The following SH2B3 variants were observed in gnomAD, a reference collection of about 807,000 sequenced individuals.
The protein encoded by SH2B3 is SH2B adaptor protein 3, also known as SH2B adapter protein 3.
SH2B3 carries 43 observed loss-of-function variants against 51.9 expected under a neutral mutation model. The observed-to-expected ratio is 0.83, with a 90% confidence interval of 0.65 to 1.07. The LOEUF is 1.07. Ranked by LOEUF, SH2B3 falls within the 50% of genes least tolerant of loss-of-function variation. The pLI is 0.00. For synonymous variants in SH2B3, 396 were observed against 376.0 expected, an observed-to-expected ratio of 1.05 and a Z score of -0.62; for missense variants, 952 against 834.3, an observed-to-expected ratio of 1.14 and a Z score of -1.74.
At chr12:111,417,313 T>A (rs559834365) in intron 1 of SH2B3, among the ~76,000 whole-genome samples, 1 of 152,190 alleles carries the variant, frequency 6.6e-6, no homozygotes, top group Non-Finnish European at 1.5e-5. Flanking sequence ...TAGAGCCTGA[T>A]TGCTCTGGCT....
At position 111,447,495 on chromosome 12, in the gene SH2B3, C is replaced by G. The variant is rs200936167; in HGVS notation, c.1187C>G (p.Thr396Arg). The change falls in exon 6 of 8, where the codon ACG becomes AGG. Residue 396 changes from threonine (T) to arginine (R), a missense_variant. Thr to Arg is a moderately conservative substitution (Grantham distance 71, BLOSUM62 -1). Transcript: ENST00000341259. ...HGVFLVRQSE[T>R]RRGEYVLTFN... ...GTGTTCCTGGTGCGGCAGAGCGAGACGCGGCGTGGGGAATACGTGCTCACT... is the reference window on the plus strand; with the variant it reads ...GTGTTCCTGGTGCGGCAGAGCGAGAGGCGGCGTGGGGAATACGTGCTCACT... The G allele has an allele frequency of 1.4e-6, 2 of 1,428,898 alleles. No homozygotes were observed. The highest frequency in any genetic ancestry group is 9.5e-7 in the Non-Finnish European group (1 of 1,055,078). The allele number at this position is 1,428,898 out of a possible 1,614,324, so 88.5% of individuals were successfully genotyped here.
chr12:111,417,360 A>T (rs1256490500), intron 1 of SH2B3, among the ~76,000 whole-genome samples: 1 of 152,192 alleles, frequency 6.6e-6, no homozygotes, highest in Non-Finnish European at 1.5e-5. Context: ...AAGTGACCAG[A>T]GTGGGCATCC....
rs978356482 is a variant in SH2B3, at chr12:111,447,828, G to T, written c.1408+1G>T. The T allele has an allele frequency of 6.2e-7, 1 of 1,613,274 alleles. No homozygotes were observed. Among genetic ancestry groups the T allele is most frequent in the Non-Finnish European group, 8.5e-7 (1 of 1,179,518 alleles). ...GTGGTAGTCGTCTCCCAACCACCAGGTCTGACCCTACTGCCCTTTGCTGAA... is the reference window on the plus strand; with the variant it reads ...GTGGTAGTCGTCTCCCAACCACCAGTTCTGACCCTACTGCCCTTTGCTGAA... On this transcript the variant is annotated splice_donor_variant, in intron 7 of 7. Coordinates refer to ENST00000341259, the MANE Select transcript of SH2B3 (RefSeq NM_005475.3). LOFTEE classifies it high-confidence loss of function.
chr12:111,437,973 G>A (rs958846513), intron 2 of SH2B3, among the ~76,000 whole-genome samples: 2 of 152,194 alleles, frequency 1.3e-5, no homozygotes, highest in African/African-American at 4.8e-5. Context: ...AACTCTCCCA[G>A]TCAGATGGTG....
intron 2 of SH2B3, among the ~76,000 whole-genome samples, chr12:111,436,478 G>C (rs1039171916): frequency 1.2e-4 from 18 of 152,134 alleles, no homozygotes; most frequent in Non-Finnish European, 1.5e-4. Flanking sequence ...GAGTAGAAGC[G>C]TCCCACCATC....
chr12:111,418,050 G>A lies in SH2B3; in HGVS notation c.-27-69G>A. 8.3e-7 allele frequency: 1 copy of A among 1,207,040 alleles called. No individual in the cohort carries two copies. Among genetic ancestry groups the A allele is most frequent in the Non-Finnish European group, 1.1e-6 (1 of 890,606 alleles). The allele number at this position is 1,207,040 out of a possible 1,614,324, so 74.8% of individuals were successfully genotyped here. A position where few individuals can be genotyped will look rare whatever the true frequency, so the allele number is the denominator to read the frequency against. On this transcript the variant is annotated intron_variant, in intron 1 of 7. Transcript: ENST00000341259. The surrounding 1 kb of genome is among the most constrained non-coding windows in gnomAD (Gnocchi z 6.7). ...GGATTTCTGCTGTGGTGCCCGGTGT[G>A]TAATGGGGCCTACACCTGCTTGCCC... is the stretch of plus-strand genomic sequence containing the variant.
chr12:111,445,267 G>A (rs553673003), intron 2 of SH2B3, among the ~76,000 whole-genome samples: 1 of 152,326 alleles, frequency 6.6e-6, no homozygotes, highest in South Asian at 2.1e-4. Context: ...GTGGGGGCCA[G>A]GCAGGGCCAA....
In SH2B3 at chr12:111,418,509, GA is replaced by G; in HGVS notation, c.365del (p.Glu122GlyfsTer75). 7.2e-7 allele frequency: 1 copy of G among 1,384,296 alleles called. No homozygotes were observed. Among genetic ancestry groups the G allele is most frequent in the Non-Finnish European group, 9.3e-7 (1 of 1,071,226 alleles). The allele number at this position is 1,384,296 out of a possible 1,614,324, so 85.8% of individuals were successfully genotyped here. A position where few individuals can be genotyped will look rare whatever the true frequency, so the allele number is the denominator to read the frequency against. ...TGGCCTGCCCAAGGCCCGCAGCTCTGAGGAGCTGGCCCCGCCGCGGCCGCCC... is the reference window on the plus strand; with the variant it reads ...TGGCCTGCCCAAGGCCCGCAGCTCTGGGAGCTGGCCCCGCCGCGGCCGCCC... ...APGLPKARSSEELAPPRPPGP... is the reference protein window; with the variant it reads ...APGLPKARSSXELAPPRPPGP... On this transcript the variant is annotated frameshift_variant, in exon 2 of 8. Transcript: ENST00000341259. LOFTEE classifies it high-confidence loss of function. This position sits in a 1 kb window ranked among gnomAD's most constrained non-coding sequence, Gnocchi z 6.7.
chr12:111,412,735 A>AT (rs1565965297), intron 1 of SH2B3, among the ~76,000 whole-genome samples: 1 of 151,918 alleles, frequency 6.6e-6, no homozygotes, highest in South Asian at 2.1e-4. Context: ...TGCCAGGCTA[A>AT]TTTTTTTGTA....
At chr12:111,444,548 G>A (rs1873742862) in intron 2 of SH2B3, among the ~76,000 whole-genome samples, 1 of 152,242 alleles carries the variant, frequency 6.6e-6, no homozygotes, top group African/African-American at 2.4e-5. Context: ...TAGAGCCTAA[G>A]CAGGTCCAGG....
At chr12:111,420,229 G>A (rs1055546728) in intron 2 of SH2B3, among the ~76,000 whole-genome samples, 22 of 152,072 alleles carry the variant, frequency 1.4e-4, no homozygotes, top group African/African-American at 2.7e-4. Context: ...TTAGCTGGGC[G>A]TGGTGGTGTA....
rs1005509419 is a variant in SH2B3, at chr12:111,429,015, C to G, written c.732+10138C>G. Among the ~76,000 whole-genome samples the G allele has an allele frequency of 8.7e-6, 1 of 114,904 alleles. No homozygotes were observed. Among genetic ancestry groups the G allele is most frequent in the Non-Finnish European group, 1.8e-5 (1 of 54,894 alleles). 75.4% of individuals were successfully genotyped at this position (114,904 alleles called of 152,430 possible). A position where few individuals can be genotyped will look rare whatever the true frequency, so the allele number is the denominator to read the frequency against. ...GCGGTTTCCTCTCGGGGCAGGAGTG[C>G]GAGGAGGAGGAGGAGGAGGAGGAGG... is the stretch of plus-strand genomic sequence containing the variant. On this transcript the variant is annotated intron_variant, in intron 2 of 7. Coordinates refer to ENST00000341259, the MANE Select transcript of SH2B3 (RefSeq NM_005475.3). This position sits in a 1 kb window ranked among gnomAD's most constrained non-coding sequence, Gnocchi z 4.4.
rs1565990120 is a variant in SH2B3 at position 111,447,040 on chromosome 12, T to C, written c.926+7T>C. The C allele has an allele frequency of 5.0e-6, 8 of 1,610,344 alleles. No homozygotes were observed. The highest frequency in any genetic ancestry group is 1.7e-4 in the Middle Eastern group (1 of 6,054). Reference sequence around the variant, plus strand: ...CGGAGTGCACAGGCCGAGGGTGAGGTCCTGGGCCCTCGTCCCTGGCACCAC... The same window carrying C: ...CGGAGTGCACAGGCCGAGGGTGAGGCCCTGGGCCCTCGTCCCTGGCACCAC... On this transcript the variant is annotated splice_region_variant and intron_variant, in intron 4 of 7. Coordinates refer to ENST00000341259, the MANE Select transcript of SH2B3 (RefSeq NM_005475.3).
chr12:111,425,838 A>G (rs924377993), intron 2 of SH2B3, among the ~76,000 whole-genome samples: 1 of 152,154 alleles, frequency 6.6e-6, no homozygotes, highest in Non-Finnish European at 1.5e-5. Context: ...GGGCAAGGAC[A>G]GGGGAGCAGT....
intron 1 of SH2B3, among the ~76,000 whole-genome samples, chr12:111,413,836 G>A (rs1175149996): frequency 6.6e-6 from 1 of 152,226 alleles, no homozygotes; most frequent in African/African-American, 2.4e-5. Flanking sequence ...ACTAATAAAA[G>A]CATCCTGTCA....
In SH2B3 at chr12:111,406,253, C is replaced by G. The variant is rs1383927077; in HGVS notation, c.-52C>G. The G allele has an allele frequency of 6.6e-6, 1 of 152,118 alleles. No homozygotes were observed. Among genetic ancestry groups the G allele is most frequent in the African/African-American group, 2.4e-5 (1 of 41,442 alleles). The allele number at this position is 152,118 out of a possible 1,614,324, so 9.4% of individuals were successfully genotyped here. ...GGGGCGCGCGACGCCATGGGCCGGC[C>G]GGGCCCAGAGCTCCTGTCTCTCAGG... On this transcript the variant is annotated 5_prime_UTR_variant, in exon 1 of 8. Coordinates refer to ENST00000341259, the MANE Select transcript of SH2B3 (RefSeq NM_005475.3). This position sits in a 1 kb window ranked among gnomAD's most constrained non-coding sequence, Gnocchi z 5.7.
chr12:111,418,455 C>T lies in SH2B3; in HGVS notation c.310C>T (p.Pro104Ser). The T allele has an allele frequency of 7.2e-7, 1 of 1,393,504 alleles. No individual in the cohort carries two copies. Among genetic ancestry groups the T allele is most frequent in the Non-Finnish European group, 9.3e-7 (1 of 1,080,036 alleles). The allele number at this position is 1,393,504 out of a possible 1,614,324, so 86.3% of individuals were successfully genotyped here. The stretch of plus-strand genomic sequence containing the variant: ...GCCCCCAGCCAAGGCCGAGGCGTCC[C>T]CGGAGCCAGGCCCCGGCCCCGCCGC... ...RGPPAKAEAS[P>S]EPGPGPAAPG... The change falls in exon 2 of 8, where the codon CCG becomes TCG. Residue 104 changes from proline to serine, a missense_variant. By Grantham distance (74) the Pro-to-Ser change is moderately conservative. Coordinates refer to ENST00000341259, the MANE Select transcript of SH2B3 (RefSeq NM_005475.3). The surrounding 1 kb of genome is among the most constrained non-coding windows in gnomAD (Gnocchi z 6.7).
chr12:111,437,315 G>C (rs1416872695), intron 2 of SH2B3, among the ~76,000 whole-genome samples: 6 of 152,210 alleles, frequency 3.9e-5, no homozygotes, highest in Admixed American at 3.9e-4. Context: ...CTCTTGCCAG[G>C]AAAGGGCTTT....
intron 2 of SH2B3, among the ~76,000 whole-genome samples, chr12:111,431,248 C>A (rs1319791002): frequency 6.6e-6 from 1 of 152,100 alleles, no homozygotes; most frequent in Non-Finnish European, 1.5e-5. Flanking sequence ...CCTGGGACCC[C>A]CCACCCCATG....
Sources: allele counts gnomAD v4.1 joint callset (sites outside exome capture counted in the v4.1 genomes callset), GRCh38; gene constraint gnomAD v4.1.1; non-coding constraint Gnocchi (gnomAD v3.1); transcripts MANE v1.5; gene names NCBI Gene and HGNC (gene_info 2026-07-23, HGNC 2026-07-21).